Variants in MYO16 observed in about 807,000 individuals in gnomAD.
MYO16 encodes unconventional myosin-XVI.
A neutral mutation model predicts 205.3 loss-of-function variants in MYO16; 94 were observed. The ratio of observed to expected loss-of-function variants is 0.46; its 90% CI spans 0.39 to 0.54. The LOEUF is 0.54. Among genes scored for constraint, MYO16 ranks in the 20% least tolerant of loss-of-function variants. The probability of loss-of-function intolerance (pLI) is 0.00; values close to 1 mark genes in which losing one functional copy is unlikely to be tolerated. For missense variants in MYO16, 2,315 were observed against 2,387.5 expected, an observed-to-expected ratio of 0.97 and a Z score of 0.63; for synonymous variants, 988 against 954.0, an observed-to-expected ratio of 1.04 and a Z score of -0.66.
At position 109,002,256 on chromosome 13, in the gene MYO16, C is replaced by T. The variant is rs144056737; in HGVS notation, c.2443-6641C>T. Among the ~76,000 whole-genome samples the T allele has an allele frequency of 4.6e-5, 7 of 152,286 alleles. No homozygotes were observed. In the East Asian group the frequency reaches 9.7e-4, roughly 21 times the overall value. ...TCAGCTGGAGTCAGCTTTAATTAAT[C>T]TCCTACTTTAATTCTGTGATGTGTA... is the stretch of plus-strand genomic sequence containing the variant. On this transcript the variant is annotated intron_variant, in intron 21 of 34. Coordinates refer to ENST00000457511, the MANE Select transcript of MYO16 (RefSeq NM_001198950.3).
chr13:108,524,023 G>A, the MYO16 span, among the ~76,000 whole-genome samples: 1 of 151,832 alleles, frequency 6.6e-6, no homozygotes, highest in Non-Finnish European at 1.5e-5. Context: ...GCACTGGCCG[G>A]GTGCGGAGGC....
intron 27 of MYO16, among the ~76,000 whole-genome samples, chr13:109,066,667 T>A (rs1434667883): frequency 1.3e-5 from 2 of 152,190 alleles, no homozygotes; most frequent in East Asian, 3.9e-4. Context: ...TAGTACGTAT[T>A]GTAGACTTTA....
chr13:108,954,966 G>A (rs938310485), intron 16 of MYO16, among the ~76,000 whole-genome samples: 1 of 152,150 alleles, frequency 6.6e-6, no homozygotes, highest in Admixed American at 6.5e-5. Flanking sequence ...CCTGGGCACG[G>A]CATCCTGCGG....
At chr13:108,772,296 A>G (rs908060461) in intron 4 of MYO16, among the ~76,000 whole-genome samples, 3 of 151,956 alleles carry the variant, frequency 2.0e-5, no homozygotes, top group African/African-American at 7.3e-5. Flanking sequence ...CCTGCAGTGA[A>G]CCATGATAGC....
rs747467157 is a variant in MYO16, at chr13:108,680,605, C to T, written c.292+14456C>T. Among the ~76,000 whole-genome samples the T allele has an allele frequency of 2.0e-5, 3 of 152,134 alleles. No individual in the cohort carries two copies. The East Asian group carries it at 5.8e-4, about 29-fold the overall frequency. ...TCAAGAATGCCACTTTTTAAAACAC[C>T]TTGAGGCACTTTTTAATCCATAGCT... is the stretch of plus-strand genomic sequence containing the variant. On this transcript the variant is annotated intron_variant, in intron 2 of 34. Coordinates refer to ENST00000457511, the MANE Select transcript of MYO16 (RefSeq NM_001198950.3).
the MYO16 span, among the ~76,000 whole-genome samples, chr13:108,577,946 A>T: frequency 6.6e-6 from 1 of 152,186 alleles, no homozygotes; most frequent in Non-Finnish European, 1.5e-5. Flanking sequence ...AATATAAGAG[A>T]CAAAATAGCC....
intron 27 of MYO16, among the ~76,000 whole-genome samples, chr13:109,082,714 A>T (rs1267667035): frequency 6.6e-6 from 1 of 152,116 alleles, no homozygotes; most frequent in East Asian, 1.9e-4. Context: ...CCTCGCCTGT[A>T]ATCCCAGCTA....
At chr13:109,003,163 C>T (rs1240460456) in intron 21 of MYO16, among the ~76,000 whole-genome samples, 3 of 152,150 alleles carry the variant, frequency 2.0e-5, no homozygotes, top group African/African-American at 4.8e-5. Context: ...TACCACTCCA[C>T]ATCACTCTCC....
chr13:108,620,604 G>C (rs192170350), intron 1 of MYO16, among the ~76,000 whole-genome samples: 1 of 152,122 alleles, frequency 6.6e-6, no homozygotes, highest in Admixed American at 6.6e-5. Context: ...GATCAAGTCC[G>C]CCTTTATGAG....
rs373783291 is a variant in MYO16, at chr13:109,127,600, C to G, written c.4051+50C>G. 3.2e-6 allele frequency: 5 copies of G among 1,579,144 alleles called. No individual in the cohort carries two copies. The African/African-American group carries it at 6.7e-5, about 21-fold the overall frequency. On this transcript the variant is annotated intron_variant, in intron 31 of 34. Coordinates refer to ENST00000457511, the MANE Select transcript of MYO16 (RefSeq NM_001198950.3). This position sits in a 1 kb window ranked among gnomAD's most constrained non-coding sequence, Gnocchi z 4.2. ...CTCGTGTTCCGGGCTCGCGCATGCTCTGACTTCGCCTTGGGGCGCCCATGG... is the reference window on the plus strand; with the variant it reads ...CTCGTGTTCCGGGCTCGCGCATGCTGTGACTTCGCCTTGGGGCGCCCATGG...
intron 20 of MYO16, among the ~76,000 whole-genome samples, chr13:108,989,949 A>G (rs1043519964): frequency 9.9e-5 from 15 of 152,210 alleles, no homozygotes; most frequent in Admixed American, 8.5e-4. Flanking sequence ...TCTAGCAATG[A>G]TCTAGCTGGA....
chr13:109,073,693 C>T (rs2139654076), intron 27 of MYO16, among the ~76,000 whole-genome samples: 1 of 152,234 alleles, frequency 6.6e-6, no homozygotes, highest in East Asian at 1.9e-4. Context: ...ATACATTGAC[C>T]AAATAACAGA....
intron 5 of MYO16, among the ~76,000 whole-genome samples, chr13:108,792,239 G>A (rs61968800): frequency 0.14 from 21,047 of 152,064 alleles, 1,540 homozygotes; most frequent in Middle Eastern, 0.23. Context: ...TGTGGATTCC[G>A]CACTCAATAT....
chr13:109,055,113 C>T lies in MYO16; in HGVS notation c.3116C>T (p.Ala1039Val). The change falls in exon 26 of 35, where the codon GCA becomes GTA. Residue 1039 changes from alanine (A) to valine (V), a missense_variant. Ala to Val is a moderately conservative substitution (Grantham distance 64, BLOSUM62 0). Transcript: ENST00000457511. This position sits in a 1 kb window ranked among gnomAD's most constrained non-coding sequence, Gnocchi z 5.0. ...GAACGAGGAGATCCAGTCACCATAG[C>T]ATCACAACTCAGGGTTAGTGACGTT... is the stretch of plus-strand genomic sequence containing the variant. ...RLERGDPVTI[A>V]SQLRKSLMDI... 6.3e-7 allele frequency: 1 copy of T among 1,583,756 alleles called. No homozygotes were observed. Among genetic ancestry groups the T allele is most frequent in the Non-Finnish European group, 8.6e-7 (1 of 1,167,730 alleles).
chr13:108,896,539 C>T (rs1880419798), intron 14 of MYO16, among the ~76,000 whole-genome samples: 1 of 152,182 alleles, frequency 6.6e-6, no homozygotes, highest in Non-Finnish European at 1.5e-5. Context: ...TTTTAACATA[C>T]TTCACTATTA....
Position 109,141,166 on chromosome 13 carries a change from A to G in MYO16, c.4954A>G (p.Ser1652Gly). The G allele has an allele frequency of 6.2e-7, 1 of 1,608,858 alleles. No homozygotes were observed. The change falls in exon 32 of 35, where the codon AGC becomes GGC. Residue 1652 changes from serine to glycine, a missense_variant. Ser to Gly is a moderately conservative substitution (Grantham distance 56, BLOSUM62 0). This residue lies in a region of MYO16 where 1,097 missense variants were observed against 1,092.0 expected (regional missense o/e 1.00). Coordinates refer to ENST00000457511, the MANE Select transcript of MYO16 (RefSeq NM_001198950.3). This position sits in a 1 kb window ranked among gnomAD's most constrained non-coding sequence, Gnocchi z 4.1. ...PNSAPVAGPCSSFPKIPYSPV... is the reference protein window; with the variant it reads ...PNSAPVAGPCGSFPKIPYSPV... ...CTCTGCCCCCGTGGCCGGGCCCTGC[A>G]GCTCCTTCCCCAAGATCCCATATTC...
intron 13 of MYO16, 140 bp from the exon 14 acceptor site, chr13:108,888,232 C>T (rs148663508): frequency 2.8e-5 from 16 of 568,188 alleles, no homozygotes; most frequent in Non-Finnish European, 4.4e-5. Context: ...ATGTGCCATT[C>T]CCTCCTCATT....
intron 32 of MYO16, among the ~76,000 whole-genome samples, chr13:109,149,275 A>G (rs1877515732): frequency 6.6e-6 from 1 of 152,194 alleles, no homozygotes; most frequent in Admixed American, 6.5e-5. Context: ...TCATAATATA[A>G]ACAGCTATTT....
intron 27 of MYO16, among the ~76,000 whole-genome samples, chr13:109,056,688 A>G (rs1887429057): frequency 6.6e-6 from 1 of 152,150 alleles, no homozygotes; most frequent in Non-Finnish European, 1.5e-5. Context: ...GCATAGTAAG[A>G]AGGTAATTTG....
Sources: allele counts gnomAD v4.1 joint callset (sites outside exome capture counted in the v4.1 genomes callset), GRCh38; gene constraint gnomAD v4.1.1; regional missense constraint gnomAD v4.1.1; non-coding constraint Gnocchi (gnomAD v3.1); transcripts MANE v1.5; gene names NCBI Gene and HGNC (gene_info 2026-07-23, HGNC 2026-07-21).